Variants in EIF4G3 observed in about 807,000 individuals in gnomAD.
The protein encoded by EIF4G3 is eIF-4-gamma 3.
Under a neutral mutation model 186.4 loss-of-function variants are expected in EIF4G3, and 34 were observed. The observed-to-expected ratio is 0.18, with a 90% CI of 0.14 to 0.24. The LOEUF (loss-of-function observed/expected upper bound fraction) is 0.24. EIF4G3 is among the 10% of genes least tolerant of loss of function. EIF4G3 has a pLI of 1.00. For synonymous variants in EIF4G3, 673 were observed against 679.5 expected, an observed-to-expected ratio of 0.99 and a Z score of 0.15; for missense variants, 1,536 against 1,948.5, an observed-to-expected ratio of 0.79 and a Z score of 3.99.
chr1:21,089,968 C>T (rs1194907971), intron 2 of EIF4G3, among the ~76,000 whole-genome samples: 1 of 152,184 alleles, frequency 6.6e-6, no homozygotes, highest in Non-Finnish European at 1.5e-5. Context: ...GCTCAAGATA[C>T]AGGCAAAACA....
intron 10 of EIF4G3, among the ~76,000 whole-genome samples, chr1:20,977,854 T>C (rs923247372): frequency 3.9e-5 from 6 of 152,148 alleles, no homozygotes; most frequent in Non-Finnish European, 7.4e-5. Flanking sequence ...TATTGTACAA[T>C]AGTATTAAAA....
At chr1:21,073,070 T>C (rs954271079) in intron 3 of EIF4G3, among the ~76,000 whole-genome samples, 8 of 152,188 alleles carry the variant, frequency 5.3e-5, no homozygotes, top group Non-Finnish European at 1.2e-4. Context: ...CTGAATTCAT[T>C]TGGTCAGATT....
At chr1:21,105,988 G>C (rs1396911921) in intron 2 of EIF4G3, among the ~76,000 whole-genome samples, 1 of 152,054 alleles carries the variant, frequency 6.6e-6, no homozygotes, top group Admixed American at 6.6e-5. Flanking sequence ...GGTCGCCTGA[G>C]CCAAGGAGTT....
intron 19 of EIF4G3, among the ~76,000 whole-genome samples, chr1:20,884,084 CG>C (rs2083306845): frequency 6.6e-6 from 1 of 151,880 alleles, no homozygotes; most frequent in African/African-American, 2.4e-5. Flanking sequence ...GTAGTAGGAA[CG>C]TAAGGGAAGG....
chr1:21,028,308 T>C (rs373641760), intron 4 of EIF4G3, among the ~76,000 whole-genome samples: 10 of 152,180 alleles, frequency 6.6e-5, no homozygotes, highest in African/African-American at 2.2e-4. Flanking sequence ...TTTAACACAA[T>C]TTTTTAAATT....
intron 13 of EIF4G3, among the ~76,000 whole-genome samples, chr1:20,946,032 A>G (rs2095933323): frequency 2.0e-5 from 3 of 152,224 alleles, no homozygotes; most frequent in African/African-American, 4.8e-5. Context: ...GGTGGAATCA[A>G]TGACCAAGAC....
intron 3 of EIF4G3, among the ~76,000 whole-genome samples, chr1:21,085,842 C>T (rs141252196): frequency 2.3e-4 from 35 of 152,206 alleles, no homozygotes; most frequent in South Asian, 2.3e-3. Flanking sequence ...TACAGGTTCA[C>T]GCCACCACAC....
chr1:21,020,691 A>G (rs182552286), intron 4 of EIF4G3, among the ~76,000 whole-genome samples: 4 of 152,328 alleles, frequency 2.6e-5, no homozygotes, highest in Admixed American at 2.6e-4. Context: ...AGAATATCTA[A>G]TAACTATACC....
intron 15 of EIF4G3, among the ~76,000 whole-genome samples, chr1:20,902,999 CT>C (rs1308435715): frequency 1.3e-5 from 2 of 152,196 alleles, no homozygotes; most frequent in African/African-American, 4.8e-5. Flanking sequence ...CAAAACAGTT[CT>C]TGTGTTTCAA....
chr1:21,170,050 C>T (rs2097924578), intron 2 of EIF4G3, among the ~76,000 whole-genome samples: 1 of 152,124 alleles, frequency 6.6e-6, no homozygotes, highest in Admixed American at 6.6e-5. Flanking sequence ...TGGTGCACGC[C>T]TGTAGTCCCA....
At chr1:20,976,192 ATACTT>A (rs1338685554) in intron 10 of EIF4G3, among the ~76,000 whole-genome samples, 1 of 150,912 alleles carries the variant, frequency 6.6e-6, no homozygotes, top group Non-Finnish European at 1.5e-5. Context: ...TATTTTTATT[ATACTT>A]TAAGTTTTAG....
In EIF4G3 at chr1:21,093,820, T is replaced by C. The variant is rs1203544613; in HGVS notation, c.-271-4607A>G. 1.2e-4 allele frequency among the ~76,000 whole-genome samples: 19 copies of C among 152,060 alleles called. No homozygotes were observed. In the South Asian group the frequency reaches 4.0e-3, roughly 32 times the overall value. ...TCCTTTGTAGGGACATGGATGAAGC[T>C]GGAAACCATCATTCTCAGCAAACTA... On this transcript the variant is annotated intron_variant, in intron 2 of 36. Transcript: ENST00000602326.
chr1:20,943,692 C>G (rs549259050), intron 13 of EIF4G3, among the ~76,000 whole-genome samples: 180 of 152,242 alleles, frequency 1.2e-3, no homozygotes, highest in Non-Finnish European at 2.2e-3. Context: ...TGAGTCTTTA[C>G]AATAAATTGT....
intron 2 of EIF4G3, among the ~76,000 whole-genome samples, chr1:21,133,977 T>C (rs189172690): frequency 1.2e-4 from 18 of 152,322 alleles, no homozygotes; most frequent in Admixed American, 8.5e-4. Context: ...ATTTACACCA[T>C]GGATTTCAAT....
intron 3 of EIF4G3, among the ~76,000 whole-genome samples, chr1:21,057,672 A>T (rs1225228891): frequency 1.3e-5 from 2 of 152,118 alleles, no homozygotes; most frequent in Admixed American, 6.6e-5. Context: ...CGTGTATTTT[A>T]ATCCTCTTCC....
chr1:21,009,675 G>A (rs1382515937), intron 4 of EIF4G3, among the ~76,000 whole-genome samples: 1 of 151,352 alleles, frequency 6.6e-6, no homozygotes, highest in Non-Finnish European at 1.5e-5. Context: ...GTAGTGGGGG[G>A]ACGGAGTTTT....
chr1:21,156,599 T>C (rs1403689481), intron 2 of EIF4G3, among the ~76,000 whole-genome samples: 2 of 152,236 alleles, frequency 1.3e-5, no homozygotes, highest in Non-Finnish European at 2.9e-5. Flanking sequence ...TTTCTTACTC[T>C]ATCAATGACA....
At chr1:21,078,970 G>A (rs1186750425) in intron 3 of EIF4G3, among the ~76,000 whole-genome samples, 4 of 152,178 alleles carry the variant, frequency 2.6e-5, no homozygotes, top group Non-Finnish European at 5.9e-5. Flanking sequence ...GGGCAACGCA[G>A]TGAGACTCCA....
At chr1:21,153,098 C>T (rs2097577662) in intron 2 of EIF4G3, among the ~76,000 whole-genome samples, 1 of 152,208 alleles carries the variant, frequency 6.6e-6, no homozygotes, top group African/African-American at 2.4e-5. Flanking sequence ...CTTTCAGGGA[C>T]AATGGCCACT....
Sources: allele counts gnomAD v4.1 joint callset (sites outside exome capture counted in the v4.1 genomes callset), GRCh38; gene constraint gnomAD v4.1.1; transcripts MANE v1.5; gene names NCBI Gene and HGNC (gene_info 2026-07-23, HGNC 2026-07-21).